ATP11A: variants seen among roughly 807,000 people sequenced by gnomAD.
ATP11A encodes the protein ATPase phospholipid transporting 11A, also known as phospholipid-transporting ATPase IH.
Under a neutral mutation model 154.4 loss-of-function variants are expected in ATP11A, and 81 were observed. The observed-to-expected ratio is 0.52, with a 90% confidence interval of 0.44 to 0.63. The LOEUF (loss-of-function observed/expected upper bound fraction) is 0.63. ATP11A is among the 30% of genes least tolerant of loss of function. The pLI is 0.00. For synonymous variants in ATP11A, 623 were observed against 585.9 expected (o/e 1.06, Z -0.91); for missense variants, 1,316 against 1,474.3 (o/e 0.89, Z 1.76).
intron 2 of ATP11A, among the ~76,000 whole-genome samples, chr13:112,792,428 A>G (rs1282128239): frequency 6.6e-6 from 1 of 152,194 alleles, no homozygotes; most frequent in Non-Finnish European, 1.5e-5. Context: ...GGCGGAGGAA[A>G]TGATTTCTAC....
chr13:112,864,759 C>G (rs1157564371), intron 25 of ATP11A, among the ~76,000 whole-genome samples: 33 of 51,640 alleles, frequency 6.4e-4, no homozygotes, highest in East Asian at 1.2e-3. Context: ...TCACCACCTG[C>G]ACAGTAATTC....
At chr13:112,781,784 CAAAAAA>C (rs748401969) in intron 1 of ATP11A, among the ~76,000 whole-genome samples, 20 of 101,336 alleles carry the variant, frequency 2.0e-4, no homozygotes, top group African/African-American at 5.9e-4. Flanking sequence ...TTTCACTTTG[CAAAAAA>C]AAAAAAAAAA....
intron 1 of ATP11A, among the ~76,000 whole-genome samples, chr13:112,772,614 A>G (rs1386236683): frequency 1.3e-5 from 2 of 151,064 alleles, no homozygotes; most frequent in Non-Finnish European, 3.0e-5. Context: ...GCCCAGTACC[A>G]GGTGCTCCCA....
At chr13:112,729,002 C>T (rs996500496) in intron 1 of ATP11A, among the ~76,000 whole-genome samples, 2 of 152,164 alleles carry the variant, frequency 1.3e-5, no homozygotes, top group Admixed American at 6.5e-5. Context: ...AGCAGGTTTT[C>T]ACGTTGGCGA....
rs558642358 is a variant in ATP11A, at chr13:112,860,600, T to C, written c.2855+186T>C. ...GCAACATAGCTCAAATGGAGATTCT[T>C]CAAGTCTTGCTGGATGGTTTATGCT... On this transcript the variant is annotated intron_variant, in intron 24 of 29. Transcript: ENST00000375645. 7.8e-6 allele frequency: 5 copies of C among 643,558 alleles called. No homozygotes were observed. The African/African-American group carries it at 9.1e-5, about 12-fold the overall frequency. The allele number at this position is 643,558 out of a possible 1,614,324, so 39.9% of individuals were successfully genotyped here.
chr13:112,859,813 T>C lies in ATP11A; in HGVS notation c.2727+361T>C, dbSNP rs966106002. ...TCCTTGTGGACATGGGCCACCCCGGTGCCTGGCACGTTAACACATGCAACG... is the reference window on the plus strand; with the variant it reads ...TCCTTGTGGACATGGGCCACCCCGGCGCCTGGCACGTTAACACATGCAACG... On this transcript the variant is annotated intron_variant, in intron 23 of 29. Transcript: ENST00000375645. This position sits in a 1 kb window ranked among gnomAD's most constrained non-coding sequence, Gnocchi z 4.3. 2.6e-5 allele frequency among the ~76,000 whole-genome samples: 4 copies of C among 152,164 alleles called. No homozygotes were observed. Among genetic ancestry groups the C allele is most frequent in the African/African-American group, 9.7e-5 (4 of 41,444 alleles).
At chr13:112,794,936 A>G (rs2077960181) in intron 2 of ATP11A, among the ~76,000 whole-genome samples, 1 of 152,114 alleles carries the variant, frequency 6.6e-6, no homozygotes, top group Non-Finnish European at 1.5e-5. Context: ...AAAGCTGTAC[A>G]GTAACATTCA....
chr13:112,772,690 T>A (rs1213659545), intron 1 of ATP11A, among the ~76,000 whole-genome samples: 1 of 152,114 alleles, frequency 6.6e-6, no homozygotes, highest in Non-Finnish European at 1.5e-5. Flanking sequence ...TAATGCACCT[T>A]CTGTTGCCCG....
Position 112,794,906 on chromosome 13 carries a change from T to C in ATP11A, c.162+9649T>C, listed in dbSNP as rs1222986831. Among the ~76,000 whole-genome samples the C allele has an allele frequency of 2.6e-5, 4 of 151,726 alleles. No homozygotes were observed. The East Asian group carries it at 5.8e-4, about 22-fold the overall frequency. Reference sequence around the variant, plus strand: ...AAAGAAAAAAAGAATAAAGCAATCATGCAGGTGGTTTCAAATTCCAAAGCT... The same window carrying C: ...AAAGAAAAAAAGAATAAAGCAATCACGCAGGTGGTTTCAAATTCCAAAGCT... On this transcript the variant is annotated intron_variant, in intron 2 of 29. Coordinates refer to ENST00000375645, the MANE Select transcript of ATP11A (RefSeq NM_015205.3).
chr13:112,742,768 G>A (rs1350317785), intron 1 of ATP11A, among the ~76,000 whole-genome samples: 2 of 152,176 alleles, frequency 1.3e-5, no homozygotes, highest in African/African-American at 2.4e-5. Flanking sequence ...GCTCGGACAC[G>A]TGCTCAGACT....
chr13:112,860,306 A>C lies in ATP11A; in HGVS notation c.2747A>C (p.Tyr916Ser), dbSNP rs756675134. ...TTACAGACTTTGTACGACACCGCGT[A>C]TCTGACCCTCTACAACATCAGCTTC... ...FSQQTLYDTA[Y>S]LTLYNISFTS... Residue 916 changes from tyrosine (Y) to serine (S), a missense_variant, in exon 24 of 30, where the codon TAT (tyrosine) becomes TCT (serine). Transcript: ENST00000375645. The C allele has an allele frequency of 1.2e-6, 2 of 1,614,036 alleles. No homozygotes were observed. Among genetic ancestry groups the C allele is most frequent in the Admixed American group, 3.3e-5 (2 of 60,000 alleles).
chr13:112,767,720 A>G (rs55784920), intron 1 of ATP11A, among the ~76,000 whole-genome samples: 54,388 of 152,066 alleles, frequency 0.36, 10,173 homozygotes, highest in Middle Eastern at 0.48. Flanking sequence ...TACTTTCCCC[A>G]CTTGGCCAAT....
At chr13:112,846,423 C>T (rs2079609354) in intron 17 of ATP11A, among the ~76,000 whole-genome samples, 1 of 152,136 alleles carries the variant, frequency 6.6e-6, no homozygotes, top group Non-Finnish European at 1.5e-5. Flanking sequence ...CGCAGGACAC[C>T]CCTCTCCTCA....
chr13:112,838,212 G>A lies in ATP11A; in HGVS notation c.1705+1961G>A, dbSNP rs1049557577. Among the ~76,000 whole-genome samples the A allele has an allele frequency of 2.6e-5, 4 of 152,160 alleles. No homozygotes were observed. Among genetic ancestry groups the A allele is most frequent in the Non-Finnish European group, 5.9e-5 (4 of 68,028 alleles). ...GTGTCAGAACCCTTCCCCCCGGCTCGGATGAGGCGCAGTCCTGAGAGTCTC... is the reference window on the plus strand; with the variant it reads ...GTGTCAGAACCCTTCCCCCCGGCTCAGATGAGGCGCAGTCCTGAGAGTCTC... On this transcript the variant is annotated intron_variant, in intron 16 of 29. Coordinates refer to ENST00000375645, the MANE Select transcript of ATP11A (RefSeq NM_015205.3). This position sits in a 1 kb window ranked among gnomAD's most constrained non-coding sequence, Gnocchi z 7.3.
chr13:112,860,552 T>C, intron 24 of ATP11A, 138 bp downstream of exon 24: 2 of 1,026,002 alleles, frequency 1.9e-6, no homozygotes. Flanking sequence ...TCTTGCTTGA[T>C]CAGGAGCTTG....
intron 4 of ATP11A, among the ~76,000 whole-genome samples, chr13:112,809,791 T>A (rs1330399418): frequency 6.6e-6 from 1 of 152,224 alleles, no homozygotes; most frequent in Non-Finnish European, 1.5e-5. Context: ...GGCACGTTTG[T>A]CATCCCAGGA....
At chr13:112,711,266 T>C (rs1023217268) in intron 1 of ATP11A, among the ~76,000 whole-genome samples, 5 of 152,182 alleles carry the variant, frequency 3.3e-5, no homozygotes, top group African/African-American at 1.2e-4. Context: ...AAAAAGTGGC[T>C]TGAAGTATTC....
intron 16 of ATP11A, among the ~76,000 whole-genome samples, chr13:112,839,776 G>A (rs1017190306): frequency 2.0e-5 from 3 of 152,206 alleles, no homozygotes; most frequent in Admixed American, 6.5e-5. Flanking sequence ...CACAAGCTGA[G>A]ACAGTGGGAA....
intron 14 of ATP11A, 58 bp from the exon 15 acceptor site, chr13:112,834,531 T>TTC: frequency 8.9e-7 from 1 of 1,121,836 alleles, no homozygotes; most frequent in Non-Finnish European, 1.4e-6. Flanking sequence ...GCAAATACTC[T>TTC]ATGAAAGAGG....
Sources: allele counts gnomAD v4.1 joint callset (sites outside exome capture counted in the v4.1 genomes callset), GRCh38; gene constraint gnomAD v4.1.1; non-coding constraint Gnocchi (gnomAD v3.1); transcripts MANE v1.5; gene names NCBI Gene and HGNC (gene_info 2026-07-23, HGNC 2026-07-21).